Variants in ZBTB7C observed in about 807,000 individuals in gnomAD.
The protein encoded by ZBTB7C is zinc finger and BTB domain containing 7C.
ZBTB7C carries 8 observed loss-of-function variants against 25.7 expected under a neutral mutation model. That is an observed-to-expected ratio of 0.31 (90% confidence interval 0.18 to 0.56). The LOEUF is 0.56. Among genes scored for constraint, ZBTB7C ranks in the 20% least tolerant of loss-of-function variants. The pLI is 0.91. For synonymous variants in ZBTB7C, 394 were observed against 369.0 expected (o/e 1.07, Z -0.78); for missense variants, 824 against 855.2 (o/e 0.96, Z 0.46).
chr18:48,371,147 G>C (rs925368752), intron 1 of ZBTB7C, among the ~76,000 whole-genome samples: 3 of 152,120 alleles, frequency 2.0e-5, no homozygotes, highest in African/African-American at 7.2e-5. Context: ...CTGAAGAGGC[G>C]AGAGGAGGAA....
intron 1 of ZBTB7C, among the ~76,000 whole-genome samples, chr18:48,346,157 C>G (rs1406583545): frequency 1.3e-5 from 2 of 152,110 alleles, no homozygotes; most frequent in East Asian, 3.9e-4. Context: ...AACTCCTGAC[C>G]TCAAGTGATC....
chr18:48,239,353 C>T (rs2043464221), intron 2 of ZBTB7C, among the ~76,000 whole-genome samples: 1 of 152,194 alleles, frequency 6.6e-6, no homozygotes. Context: ...AGCTGATGCT[C>T]CCTTGAAAGT....
chr18:48,080,952 C>G (rs184511008), intron 3 of ZBTB7C, among the ~76,000 whole-genome samples: 1 of 152,232 alleles, frequency 6.6e-6, no homozygotes, highest in East Asian at 1.9e-4. Context: ...TCTTTCCTCA[C>G]TCACCCCTGG....
rs775360190 is a variant in ZBTB7C, at chr18:48,029,439, G to A, written c.1681C>T (p.Arg561Cys). ...TTCCTCTCAGCCTCCAGCTGCGCGC[G>A]CCCGAACAGCTTCATCTGTGTCTCC... ...FEETQMKLFG[R>C]AQLEAERNAG... The change falls in exon 5 of 5, where the codon CGC becomes TGC. Residue 561 changes from arginine to cysteine, a missense_variant. Arg to Cys is a radical substitution (Grantham distance 180). Transcript: ENST00000590800. The A allele has an allele frequency of 6.5e-5, 104 of 1,593,158 alleles. No individual in the cohort carries two copies. The highest frequency in any genetic ancestry group is 8.1e-5 in the Non-Finnish European group (95 of 1,173,554).
chr18:48,110,035 T>C (rs893906308), intron 3 of ZBTB7C, among the ~76,000 whole-genome samples: 1 of 147,500 alleles, frequency 6.8e-6, no homozygotes, highest in African/African-American at 2.6e-5. Flanking sequence ...AGATAGGGAG[T>C]GGTAGAGACC....
At chr18:48,087,852 G>GC (rs1568208113) in intron 3 of ZBTB7C, 1 of 111,334 alleles carries the variant, frequency 9.0e-6, no homozygotes, top group Non-Finnish European at 1.7e-5. Flanking sequence ...GTGGGTGGGG[G>GC]GGGGGGGCAT....
At chr18:48,119,486 C>A (rs1185521148) in intron 3 of ZBTB7C, among the ~76,000 whole-genome samples, 2 of 152,270 alleles carry the variant, frequency 1.3e-5, no homozygotes, top group African/African-American at 4.8e-5. Context: ...CTTTCCTTCT[C>A]ATTTTCCAAC....
intron 3 of ZBTB7C, among the ~76,000 whole-genome samples, chr18:48,142,342 C>T (rs972968114): frequency 5.3e-5 from 8 of 152,228 alleles, no homozygotes; most frequent in Non-Finnish European, 1.2e-4. Flanking sequence ...TTTAGGAGCA[C>T]TGGGAGACCA....
At chr18:48,329,523 A>G (rs779285532) in intron 2 of ZBTB7C, among the ~76,000 whole-genome samples, 4 of 152,254 alleles carry the variant, frequency 2.6e-5, no homozygotes, top group Non-Finnish European at 4.4e-5. Context: ...AAGCCAGTCC[A>G]GAGTTGGTGC....
At chr18:48,349,044 G>A (rs990196680) in intron 1 of ZBTB7C, among the ~76,000 whole-genome samples, 6 of 152,206 alleles carry the variant, frequency 3.9e-5, no homozygotes, top group African/African-American at 1.2e-4. Flanking sequence ...GGGCAAGGAG[G>A]TGGCAGAAGA....
chr18:48,388,863 T>G (rs2047812470), intron 1 of ZBTB7C, among the ~76,000 whole-genome samples: 1 of 152,220 alleles, frequency 6.6e-6, no homozygotes, highest in Non-Finnish European at 1.5e-5. Flanking sequence ...AGTACATGGA[T>G]AGTTGATTGA....
intron 2 of ZBTB7C, among the ~76,000 whole-genome samples, chr18:48,216,490 G>A (rs1465916330): frequency 6.6e-6 from 1 of 152,148 alleles, no homozygotes; most frequent in Non-Finnish European, 1.5e-5. Flanking sequence ...AGGGAAGAGA[G>A]ATCTACATGG....
intron 3 of ZBTB7C, among the ~76,000 whole-genome samples, chr18:48,158,522 G>A (rs1178644230): frequency 1.4e-5 from 2 of 147,332 alleles, no homozygotes; most frequent in African/African-American, 4.9e-5. Context: ...TGGAGGGGTG[G>A]GGTGGGGGTG....
chr18:48,197,898 T>G (rs755552404), intron 2 of ZBTB7C, among the ~76,000 whole-genome samples: 1 of 152,198 alleles, frequency 6.6e-6, no homozygotes, highest in Non-Finnish European at 1.5e-5. Flanking sequence ...CTACTTTAGA[T>G]ATTATCTATT....
At chr18:48,103,086 A>G (rs2038894805) in intron 3 of ZBTB7C, among the ~76,000 whole-genome samples, 1 of 126,598 alleles carries the variant, frequency 7.9e-6, no homozygotes, top group Non-Finnish European at 1.6e-5. Flanking sequence ...TATTATATAT[A>G]TCTTATATAT....
intron 2 of ZBTB7C, among the ~76,000 whole-genome samples, chr18:48,205,551 T>C (rs1453719074): frequency 2.6e-5 from 4 of 152,026 alleles, no homozygotes; most frequent in Admixed American, 2.6e-4. Flanking sequence ...GAAATAGACA[T>C]CTTAACACTA....
chr18:48,170,121 C>G (rs1226490293), intron 3 of ZBTB7C, among the ~76,000 whole-genome samples: 3 of 152,244 alleles, frequency 2.0e-5, no homozygotes, highest in African/African-American at 7.2e-5. Context: ...CTTAAGGGTG[C>G]CCTCATGGCC....
At chr18:48,331,695 G>A (rs985846771) in intron 2 of ZBTB7C, among the ~76,000 whole-genome samples, 4 of 152,104 alleles carry the variant, frequency 2.6e-5, no homozygotes, top group South Asian at 2.1e-4. Flanking sequence ...TGACCCTACC[G>A]TATTCTATAC....
At chr18:48,297,919 G>T (rs1415139444) in intron 2 of ZBTB7C, among the ~76,000 whole-genome samples, 1 of 152,132 alleles carries the variant, frequency 6.6e-6, no homozygotes, top group Non-Finnish European at 1.5e-5. Context: ...ATATGCCTAT[G>T]GTAGTTATGA....
Sources: gnomAD v4.1 joint callset for allele counts (sites outside exome capture counted in the v4.1 genomes callset) on GRCh38, gnomAD v4.1.1 for gene constraint, MANE v1.5 for transcripts, NCBI Gene and HGNC (gene_info 2026-07-23, HGNC 2026-07-21) for gene names.